Variants in DISC1 observed in about 807,000 individuals in gnomAD.
The protein encoded by DISC1 is disrupted in schizophrenia 1 protein.
DISC1 carries 57 observed loss-of-function variants against 84.5 expected under a neutral mutation model. That is an observed-to-expected ratio of 0.67 (90% confidence interval 0.55 to 0.84). The LOEUF is 0.84. Ranked by LOEUF, DISC1 falls within the 40% of genes least tolerant of loss-of-function variation. The pLI, the probability that DISC1 is intolerant of heterozygous loss-of-function variation, is 0.00. For missense variants in DISC1, 1,000 were observed against 1,057.8 expected, an observed-to-expected ratio of 0.95 and a Z score of 0.76; for synonymous variants, 411 against 415.2, an observed-to-expected ratio of 0.99 and a Z score of 0.12.
rs2065349948 is a variant in DISC1, at chr1:231,693,974, T to A, written c.216T>A (p.Ser72=). The change falls in exon 2 of 13, where the codon TCT becomes TCA. Residue 72 remains serine, a synonymous_variant. Transcript: ENST00000439617. ...TGTTCCGGTTCCCAGGAGGGGTGTC[T>A]GGCGAGGAGTCCCACCACTCGGAGT... The part of the protein sequence containing the change: ...GTLFRFPGGV[S]GEESHHSESR... 1 of 1,613,936 alleles carries A rather than the reference T, an allele frequency of 6.2e-7. No homozygotes were observed. Among genetic ancestry groups the A allele is most frequent in the East Asian group, 2.2e-5 (1 of 44,888 alleles).
At chr1:231,967,948 T>C (rs1345838956) in intron 10 of DISC1, among the ~76,000 whole-genome samples, 1 of 152,192 alleles carries the variant, frequency 6.6e-6, no homozygotes, top group Non-Finnish European at 1.5e-5. Context: ...AGTAACACTT[T>C]GATGGGGATT....
chr1:231,965,860 T>G (rs1044368182), intron 10 of DISC1, among the ~76,000 whole-genome samples: 1 of 152,252 alleles, frequency 6.6e-6, no homozygotes, highest in Non-Finnish European at 1.5e-5. Flanking sequence ...CTCCTGCTAT[T>G]TCCTGCATGG....
chr1:231,633,654 A>C (rs1312647982), intron 1 of DISC1, among the ~76,000 whole-genome samples: 1 of 152,164 alleles, frequency 6.6e-6, no homozygotes, highest in Non-Finnish European at 1.5e-5. Flanking sequence ...CATGTCTAGG[A>C]TTGATATTGA....
At chr1:231,893,330 A>G (rs2087408674) in intron 9 of DISC1, among the ~76,000 whole-genome samples, 2 of 152,334 alleles carry the variant, frequency 1.3e-5, no homozygotes, top group Admixed American at 6.5e-5. Flanking sequence ...ATAAAATTCG[A>G]TAGTCTAGAA....
At chr1:231,750,205 G>A (rs2074462925) in intron 4 of DISC1, 129 bp downstream of exon 4, 5 of 1,458,136 alleles carry the variant, frequency 3.4e-6, no homozygotes, top group Middle Eastern at 5.1e-4. Flanking sequence ...AGGGCCCTTT[G>A]TTGGTTGGGA....
intron 1 of DISC1, among the ~76,000 whole-genome samples, chr1:231,684,287 G>C (rs904239421): frequency 6.6e-6 from 1 of 151,854 alleles, no homozygotes; most frequent in African/African-American, 2.4e-5. Context: ...GACTACGGGG[G>C]CATATATGCA....
chr1:232,012,833 A>G (rs947155539), intron 11 of DISC1, among the ~76,000 whole-genome samples: 1 of 152,148 alleles, frequency 6.6e-6, no homozygotes, highest in Non-Finnish European at 1.5e-5. Context: ...AGCTGGGCCC[A>G]TTAAGGTGAA....
intron 6 of DISC1, among the ~76,000 whole-genome samples, chr1:231,787,042 C>T (rs1264055961): frequency 6.6e-6 from 1 of 152,146 alleles, no homozygotes; most frequent in Non-Finnish European, 1.5e-5. Context: ...GTTCTTTTGC[C>T]TGGATCTAAA....
intron 9 of DISC1, among the ~76,000 whole-genome samples, chr1:231,857,612 C>T (rs989626321): frequency 2.6e-5 from 4 of 152,082 alleles, no homozygotes; most frequent in African/African-American, 9.7e-5. Flanking sequence ...TTATAACTAA[C>T]ACAGGCAAAC....
At chr1:231,777,995 C>G (rs944972118) in intron 6 of DISC1, among the ~76,000 whole-genome samples, 3 of 152,152 alleles carry the variant, frequency 2.0e-5, no homozygotes, top group African/African-American at 2.4e-5. Flanking sequence ...AGGCCTTGGA[C>G]AGAGTGCTTA....
chr1:231,769,612 G>A (rs981346256), intron 5 of DISC1, among the ~76,000 whole-genome samples: 1 of 152,198 alleles, frequency 6.6e-6, no homozygotes, highest in Non-Finnish European at 1.5e-5. Context: ...GAGGAAGAGA[G>A]GATAATGGGG....
intron 3 of DISC1, among the ~76,000 whole-genome samples, chr1:231,703,439 A>G (rs1265527449): frequency 1.3e-5 from 2 of 152,210 alleles, no homozygotes; most frequent in Non-Finnish European, 1.5e-5. Context: ...CATCTATGAG[A>G]GATAATTACA....
chr1:231,690,311 A>G (rs2064840168), intron 1 of DISC1, among the ~76,000 whole-genome samples: 1 of 152,200 alleles, frequency 6.6e-6, no homozygotes, highest in African/African-American at 2.4e-5. Context: ...CGAGCAGCAG[A>G]GAAAGCTGCG....
At chr1:231,785,087 A>C (rs2077727371) in intron 6 of DISC1, among the ~76,000 whole-genome samples, 1 of 152,146 alleles carries the variant, frequency 6.6e-6, no homozygotes, top group Admixed American at 6.5e-5. Context: ...GTCTAAGGAA[A>C]GAAAAAGGCC....
In DISC1 at chr1:231,897,448, T is replaced by G. The variant is rs1202363549; in HGVS notation, c.1982-61380T>G. On this transcript the variant is annotated intron_variant, in intron 9 of 12. Coordinates refer to ENST00000439617, the MANE Select transcript of DISC1 (RefSeq NM_018662.3). This position sits in a 1 kb window ranked among gnomAD's most constrained non-coding sequence, Gnocchi z 4.5. The stretch of plus-strand genomic sequence containing the variant: ...TTGACCGGTCCAGAGAGCATTTCAG[T>G]TATCATTTATGGAACAAGGCCAAAA... 1.3e-5 allele frequency among the ~76,000 whole-genome samples: 2 copies of G among 152,216 alleles called. No individual in the cohort carries two copies. Among genetic ancestry groups the G allele is most frequent in the Non-Finnish European group, 2.9e-5 (2 of 68,030 alleles).
intron 9 of DISC1, among the ~76,000 whole-genome samples, chr1:231,891,389 G>T (rs893521512): frequency 6.6e-6 from 1 of 152,216 alleles, no homozygotes; most frequent in Admixed American, 6.5e-5. Context: ...AGATCAGGAG[G>T]TAATTGCCAC....
At chr1:231,715,109 C>T (rs1179400225) in intron 3 of DISC1, among the ~76,000 whole-genome samples, 4 of 152,168 alleles carry the variant, frequency 2.6e-5, no homozygotes, top group Non-Finnish European at 5.9e-5. Context: ...GGTGCTGACT[C>T]CTTGGACCAA....
intron 10 of DISC1, among the ~76,000 whole-genome samples, chr1:231,978,697 C>T (rs564875827): frequency 6.6e-6 from 1 of 152,212 alleles, no homozygotes; most frequent in Non-Finnish European, 1.5e-5. Context: ...AGATTGGCTA[C>T]AGACTCTTTT....
In DISC1 at chr1:231,767,218, C is replaced by G. The variant is rs116628628; in HGVS notation, c.1347C>G (p.His449Gln). The G allele has an allele frequency of 2.5e-6, 4 of 1,614,072 alleles. No individual in the cohort carries two copies. Among genetic ancestry groups the G allele is most frequent in the Admixed American group, 1.7e-5 (1 of 60,008 alleles). The change falls in exon 5 of 13, where the codon CAC becomes CAG. Residue 449 changes from histidine to glutamine, a missense_variant. Around this residue, in one of 3 missense-constraint regions of DISC1, gnomAD observed 311 missense variants for 400.1 expected, o/e 0.78. Coordinates refer to ENST00000439617, the MANE Select transcript of DISC1 (RefSeq NM_018662.3). ...AACCCACTGCTCAGGACAGCTTGCA[C>G]GTGTCCATCACGAGACGAGACTGGC... ...LLEPTAQDSL[H>Q]VSITRRDWLL...
Sources: allele counts gnomAD v4.1 joint callset (sites outside exome capture counted in the v4.1 genomes callset), GRCh38; gene constraint gnomAD v4.1.1; regional missense constraint gnomAD v4.1.1; non-coding constraint Gnocchi (gnomAD v3.1); transcripts MANE v1.5; gene names NCBI Gene and HGNC (gene_info 2026-07-23, HGNC 2026-07-21).